The following TANC1 variants were observed in gnomAD, a reference collection of about 807,000 sequenced individuals.
TANC1 encodes the protein protein TANC1.
TANC1 carries 77 observed loss-of-function variants against 149.7 expected under a neutral mutation model. That is an observed-to-expected ratio of 0.51 (90% CI 0.43 to 0.62). TANC1 has a LOEUF of 0.62. Among genes scored for constraint, TANC1 ranks in the 20% least tolerant of loss-of-function variants. The pLI, the probability that TANC1 is intolerant of heterozygous loss-of-function variation, is 0.00. For missense variants in TANC1, 1,985 were observed against 2,321.8 expected (o/e 0.85, Z 2.98); for synonymous variants, 854 against 925.0 (o/e 0.92, Z 1.39).
intron 19 of TANC1, among the ~76,000 whole-genome samples, chr2:159,210,781 T>C (rs916801816): frequency 2.0e-5 from 3 of 152,196 alleles, no homozygotes; most frequent in African/African-American, 7.2e-5. Flanking sequence ...TTGGCCAGAA[T>C]GGTCTCGATC....
intron 2 of TANC1, among the ~76,000 whole-genome samples, chr2:159,022,835 A>G (rs957775039): frequency 2.0e-5 from 3 of 152,184 alleles, no homozygotes; most frequent in Non-Finnish European, 4.4e-5. Context: ...CAGGCTTTGT[A>G]GCTCGACAGA....
intron 3 of TANC1, among the ~76,000 whole-genome samples, chr2:159,068,248 C>T (rs1411360131): frequency 7.9e-5 from 12 of 152,146 alleles, no homozygotes; most frequent in Admixed American, 7.9e-4. Flanking sequence ...TAAATCATAG[C>T]TAAGATTTTC....
intron 7 of TANC1, among the ~76,000 whole-genome samples, chr2:159,162,677 C>T (rs1291376196): frequency 2.6e-5 from 4 of 152,116 alleles, no homozygotes; most frequent in South Asian, 2.1e-4. Flanking sequence ...ACTTCACCTG[C>T]GCTGGATATG....
intron 4 of TANC1, among the ~76,000 whole-genome samples, chr2:159,109,582 A>G (rs1369504630): frequency 1.3e-5 from 2 of 152,258 alleles, no homozygotes; most frequent in Non-Finnish European, 2.9e-5. Flanking sequence ...CCTGCAGTCA[A>G]CTGTGGTTCA....
rs976606986 is a variant in TANC1 at position 159,229,956 on chromosome 2, C to T, written c.4530C>T (p.Ile1510=). The part of the protein sequence containing the change: ...RPVSPQSRAG[I]GKSLREPVAQ... ...TATCGCCACAGAGCAGGGCAGGAAT[C>T]GGCAAGTCCCTGAGAGAGCCTGTGG... The change falls in exon 27 of 27, where the codon ATC becomes ATT. Residue 1510 remains isoleucine, a synonymous_variant. Coordinates refer to ENST00000263635, the MANE Select transcript of TANC1 (RefSeq NM_033394.3). 8.1e-6 allele frequency: 13 copies of T among 1,613,934 alleles called. No homozygotes were observed. Among genetic ancestry groups the T allele is most frequent in the African/African-American group, 1.3e-5 (1 of 74,928 alleles).
intron 19 of TANC1, among the ~76,000 whole-genome samples, chr2:159,206,064 A>T (rs2058584444): frequency 6.6e-6 from 1 of 152,244 alleles, no homozygotes. Flanking sequence ...GTGGGCATGG[A>T]AGTCCAGACT....
chr2:159,187,063 C>T (rs1292086226), intron 16 of TANC1, 39 bp downstream of exon 16: 2 of 1,608,336 alleles, frequency 1.2e-6, no homozygotes, highest in Non-Finnish European at 1.7e-6. Context: ...AGACCCAGCC[C>T]TGGCCGGCTG....
chr2:159,049,747 C>T lies in TANC1; in HGVS notation c.-15-16149C>T, dbSNP rs563991481. Among the ~76,000 whole-genome samples the T allele has an allele frequency of 6.9e-4, 105 of 152,238 alleles. 1 individual carries two copies. In the Middle Eastern group the frequency reaches 0.017, roughly 25 times the overall value. ...GAGAAAGAGGAGGGGCTTTGAGTCTCGTGAACTAAAAAGGATGGTGCTTTA... is the reference window on the plus strand; with the variant it reads ...GAGAAAGAGGAGGGGCTTTGAGTCTTGTGAACTAAAAAGGATGGTGCTTTA... On this transcript the variant is annotated intron_variant, in intron 2 of 26. Coordinates refer to ENST00000263635, the MANE Select transcript of TANC1 (RefSeq NM_033394.3).
At chr2:159,169,143 T>C in intron 8 of TANC1, 107 bp from the exon 9 acceptor site, 1 of 765,660 alleles carries the variant, frequency 1.3e-6, no homozygotes, top group East Asian at 2.9e-5. Context: ...AAGTAAATTT[T>C]GTTGAAAGCC....
chr2:159,191,374 C>G (rs1242542029), intron 16 of TANC1, among the ~76,000 whole-genome samples: 1 of 152,142 alleles, frequency 6.6e-6, no homozygotes, highest in Non-Finnish European at 1.5e-5. Context: ...ATAGAGAGGG[C>G]CTGGGTGCAC....
At chr2:159,091,004 A>T (rs1277951528) in intron 3 of TANC1, among the ~76,000 whole-genome samples, 1 of 152,064 alleles carries the variant, frequency 6.6e-6, no homozygotes, top group Non-Finnish European at 1.5e-5. Context: ...ATGAAAAGTG[A>T]AAATAGACGA....
intron 5 of TANC1, among the ~76,000 whole-genome samples, chr2:159,145,555 G>A (rs2051971809): frequency 6.6e-6 from 1 of 152,206 alleles, no homozygotes; most frequent in South Asian, 2.1e-4. Context: ...AGTGGCGGAA[G>A]ATGAGAAGAT....
chr2:159,015,461 T>G (rs560735121), intron 2 of TANC1, among the ~76,000 whole-genome samples: 1 of 152,236 alleles, frequency 6.6e-6, no homozygotes, highest in Non-Finnish European at 1.5e-5. Context: ...ACCTCTGATA[T>G]GCACTGGAGA....
chr2:159,088,398 T>G (rs2045171883), intron 3 of TANC1, among the ~76,000 whole-genome samples: 1 of 152,298 alleles, frequency 6.6e-6, no homozygotes, highest in South Asian at 2.1e-4. Flanking sequence ...TCCCTCTGCT[T>G]CTTGGGGAAA....
At chr2:159,128,283 A>AGGGT (rs2049696754) in intron 4 of TANC1, among the ~76,000 whole-genome samples, 1 of 152,200 alleles carries the variant, frequency 6.6e-6, no homozygotes, top group African/African-American at 2.4e-5. Context: ...AAGTACCCAG[A>AGGGT]GGGTGTCTGC....
At chr2:159,152,528 G>C (rs1252011843) in intron 7 of TANC1, among the ~76,000 whole-genome samples, 3 of 114,666 alleles carry the variant, frequency 2.6e-5, no homozygotes, top group Non-Finnish European at 3.4e-5. Flanking sequence ...GTTTTGCTCT[G>C]TTGCCCAGGC....
intron 1 of TANC1, among the ~76,000 whole-genome samples, chr2:158,981,092 G>A (rs190526019): frequency 1.3e-4 from 20 of 152,106 alleles, no homozygotes; most frequent in East Asian, 1.2e-3. Context: ...GGCAAAAATA[G>A]GTCCTAGACT....
chr2:159,160,300 C>T (rs2053914072), intron 7 of TANC1, among the ~76,000 whole-genome samples: 1 of 151,980 alleles, frequency 6.6e-6, no homozygotes, highest in Non-Finnish European at 1.5e-5. Flanking sequence ...AAACATTAGC[C>T]AGTCTCTGGG....
At chr2:159,024,112 GTTTA>G (rs2039059369) in intron 2 of TANC1, among the ~76,000 whole-genome samples, 1 of 152,046 alleles carries the variant, frequency 6.6e-6, no homozygotes, top group Non-Finnish European at 1.5e-5. Flanking sequence ...GGTTGGAGCA[GTTTA>G]TTTATTTTTT....
Sources: gnomAD v4.1 joint callset for allele counts (sites outside exome capture counted in the v4.1 genomes callset) on GRCh38, gnomAD v4.1.1 for gene constraint, MANE v1.5 for transcripts, NCBI Gene and HGNC (gene_info 2026-07-23, HGNC 2026-07-21) for gene names.